B4GALNT1: variants seen among roughly 807,000 people sequenced by gnomAD.
B4GALNT1 encodes beta-1,4-N-acetyl-galactosaminyltransferase 1.
Under a neutral mutation model 55.2 loss-of-function variants are expected in B4GALNT1, and 43 were observed. The observed-to-expected ratio is 0.78, with a 90% CI of 0.61 to 1.00. The LOEUF (loss-of-function observed/expected upper bound fraction) is 1.00. Ranked by LOEUF, B4GALNT1 falls within the 50% of genes least tolerant of loss-of-function variation. B4GALNT1 has a pLI of 0.00. For synonymous variants in B4GALNT1, 305 were observed against 311.6 expected, an observed-to-expected ratio of 0.98 and a Z score of 0.22; for missense variants, 664 against 729.7, an observed-to-expected ratio of 0.91 and a Z score of 1.04.
chr12:57,629,939 C>T (rs768742788), intron 6 of B4GALNT1: 24 of 1,536,200 alleles, frequency 1.6e-5, no homozygotes, highest in Admixed American at 9.8e-5. Flanking sequence ...ACCCAAGGCT[C>T]GGGTTTCCCT....
At position 57,630,519 on chromosome 12, in the gene B4GALNT1, C is replaced by G; in HGVS notation, c.491-1G>C. On this transcript the variant is annotated splice_acceptor_variant, in intron 4 of 10. Transcript: ENST00000341156. LOFTEE classifies it high-confidence loss of function. The stretch of plus-strand genomic sequence containing the variant: ...CCAGAAGCTGCCTGAAGGCTCAGCC[C>G]TAGGAGAAAGGAGTGGGGGGATCAG... The G allele has an allele frequency of 1.2e-6, 2 of 1,606,162 alleles. No homozygotes were observed. The highest frequency in any genetic ancestry group is 4.5e-5 in the East Asian group (2 of 44,840).
In B4GALNT1 at chr12:57,624,008, C is replaced by T; in HGVS notation, c.*2736G>A. On this transcript the variant is annotated 3_prime_UTR_variant, in exon 11 of 11. Coordinates refer to ENST00000341156, the MANE Select transcript of B4GALNT1 (RefSeq NM_001478.5). Reference sequence around the variant, plus strand: ...CCCACCTCCTCTGCCTCAAGGCTGTCCTGGCTTGCATCAACATCTCCAGCA... The same window carrying T: ...CCCACCTCCTCTGCCTCAAGGCTGTTCTGGCTTGCATCAACATCTCCAGCA... The T allele has an allele frequency of 2.5e-6, 4 of 1,611,680 alleles. No individual in the cohort carries two copies. In the South Asian group the frequency reaches 3.3e-5, roughly 13 times the overall value.
In B4GALNT1 at chr12:57,625,323, G is replaced by A. The variant is rs1884730650; in HGVS notation, c.*1421C>T. The A allele has an allele frequency of 4.3e-6, 7 of 1,614,112 alleles. No homozygotes were observed. Among genetic ancestry groups the A allele is most frequent in the African/African-American group, 2.7e-5 (2 of 75,008 alleles). Reference sequence around the variant, plus strand: ...GGGGCCAGAGAAGTGGTGCAGGTGAGGGAGAGGGTAGGTTGAGGAGAAACC... The same window carrying A: ...GGGGCCAGAGAAGTGGTGCAGGTGAAGGAGAGGGTAGGTTGAGGAGAAACC... On this transcript the variant is annotated 3_prime_UTR_variant, in exon 11 of 11. Coordinates refer to ENST00000341156, the MANE Select transcript of B4GALNT1 (RefSeq NM_001478.5).
intron 10 of B4GALNT1, 57 bp downstream of exon 10, chr12:57,627,551 CGCGTGACCGT>C: frequency 6.6e-7 from 1 of 1,517,632 alleles, no homozygotes; most frequent in Non-Finnish European, 8.8e-7. Context: ...GGAGGAGAGG[CGCGTGACCGT>C]GCGCCAGCTC....
intron 10 of B4GALNT1, 150 bp downstream of exon 10, chr12:57,627,468 G>T: frequency 1.2e-6 from 1 of 844,866 alleles, no homozygotes; most frequent in Non-Finnish European, 1.6e-6. Context: ...CTCTCGCCCA[G>T]GTGCAGGTCT....
At chr12:57,630,952 G>A (rs1404030655) in intron 4 of B4GALNT1, 28 bp downstream of exon 4, 10 of 1,595,030 alleles carry the variant, frequency 6.3e-6, no homozygotes, top group Non-Finnish European at 7.7e-6. Context: ...CTGTGGCTGA[G>A]GTCATCCTCT....
Position 57,627,601 on chromosome 12 carries a change from G to GA in B4GALNT1, c.1384+16dup. On this transcript the variant is annotated intron_variant, in intron 10 of 10. Coordinates refer to ENST00000341156, the MANE Select transcript of B4GALNT1 (RefSeq NM_001478.5). ...TGGGGCTCCTGCCAGGGTCGACCGGGAGGGGGTGCCACTCACCCAGATGAG... is the reference window on the plus strand; with the variant it reads ...TGGGGCTCCTGCCAGGGTCGACCGGGAAGGGGGTGCCACTCACCCAGATGAG... The GA allele has an allele frequency of 6.4e-7, 1 of 1,568,792 alleles. No homozygotes were observed. Among genetic ancestry groups the GA allele is most frequent in the Non-Finnish European group, 8.7e-7 (1 of 1,151,720 alleles).
At position 57,623,887 on chromosome 12, in the gene B4GALNT1, G is replaced by T; in HGVS notation, c.*2857C>A. On this transcript the variant is annotated 3_prime_UTR_variant, in exon 11 of 11. Transcript: ENST00000341156. ...GGTCCTGTCGGTGCTGCTGTGGCTGGGGCCCTTCTTTTACTATCTGCCCAA... is the reference window on the plus strand; with the variant it reads ...GGTCCTGTCGGTGCTGCTGTGGCTGTGGCCCTTCTTTTACTATCTGCCCAA... 2 of 1,614,034 alleles carry T rather than the reference G, an allele frequency of 1.2e-6. No individual in the cohort carries two copies. Among genetic ancestry groups the T allele is most frequent in the Non-Finnish European group, 1.7e-6 (2 of 1,179,978 alleles).
chr12:57,630,374 A>C lies in B4GALNT1; in HGVS notation c.532-42T>G, dbSNP rs186851144. 4.4e-6 allele frequency: 7 copies of C among 1,600,704 alleles called. No homozygotes were observed. In the South Asian group the frequency reaches 7.7e-5, roughly 18 times the overall value. On this transcript the variant is annotated intron_variant, in intron 5 of 10. Transcript: ENST00000341156. ...GAGTGCAGGGTTAGGCCCCAGACCC[A>C]CTTCTTGCCTCCCTGATTCGCCCAT...
rs1884595720 is a variant in B4GALNT1 at position 57,623,529 on chromosome 12, A to C, written c.*3215T>G. 1 of 468,110 alleles carries C rather than the reference A, an allele frequency of 2.1e-6. No individual in the cohort carries two copies. The highest frequency in any genetic ancestry group is 2.0e-5 in the African/African-American group (1 of 50,648). 29.0% of individuals were successfully genotyped at this position (468,110 alleles called of 1,614,324 possible). Reference sequence around the variant, plus strand: ...TTTCCCTTACTTTGCTGGTGCCCTAAACACATATACCCTGCTTATAGGGTA... The same window carrying C: ...TTTCCCTTACTTTGCTGGTGCCCTACACACATATACCCTGCTTATAGGGTA... On this transcript the variant is annotated 3_prime_UTR_variant, in exon 11 of 11. Transcript: ENST00000341156.
At chr12:57,629,431 T>C (rs1885056545) in intron 6 of B4GALNT1, 3 of 345,900 alleles carry the variant, frequency 8.7e-6, no homozygotes, top group Non-Finnish European at 1.6e-5. Context: ...GATAGCCCTA[T>C]TAAGTAGATT....
rs370384752 is a variant in B4GALNT1, at chr12:57,624,132, C to T, written c.*2612G>A. 6.2e-7 allele frequency: 1 copy of T among 1,604,862 alleles called. No homozygotes were observed. The highest frequency in any genetic ancestry group is 8.5e-7 in the Non-Finnish European group (1 of 1,172,774). ...TGCCATTACCCCCAGATTGCCCCCTCTCATCTTGTTAGCATCCCCAGCCTC... is the reference window on the plus strand; with the variant it reads ...TGCCATTACCCCCAGATTGCCCCCTTTCATCTTGTTAGCATCCCCAGCCTC... On this transcript the variant is annotated 3_prime_UTR_variant, in exon 11 of 11. Coordinates refer to ENST00000341156, the MANE Select transcript of B4GALNT1 (RefSeq NM_001478.5).
intron 8 of B4GALNT1, 23 bp downstream of exon 8, chr12:57,628,690 C>T (rs760498144): frequency 1.4e-5 from 22 of 1,613,460 alleles, no homozygotes; most frequent in African/African-American, 5.3e-5. Flanking sequence ...TCTGGCCTGC[C>T]GTTCAGCCTG....
chr12:57,627,476 T>G, intron 10 of B4GALNT1, 142 bp downstream of exon 10: 1 of 971,438 alleles, frequency 1.0e-6, no homozygotes, highest in Non-Finnish European at 1.4e-6. Flanking sequence ...CAGGTGCAGG[T>G]CTTGGTAAAT....
Position 57,623,970 on chromosome 12 carries a change from T to C in B4GALNT1, c.*2774A>G, listed in dbSNP as rs990798628. 1.9e-5 allele frequency: 30 copies of C among 1,611,952 alleles called. No homozygotes were observed. The highest frequency in any genetic ancestry group is 2.1e-5 in the Non-Finnish European group (25 of 1,178,574). ...GGAGGGGTAGCTGTATTCCAGGACA[T>C]CGAGGTAGTCAGCCCACCTCCTCTG... On this transcript the variant is annotated 3_prime_UTR_variant, in exon 11 of 11. Coordinates refer to ENST00000341156, the MANE Select transcript of B4GALNT1 (RefSeq NM_001478.5).
At chr12:57,632,262 G>A (rs1594989485) in intron 1 of B4GALNT1, 129 bp from the exon 2 acceptor site, 3 of 922,788 alleles carry the variant, frequency 3.3e-6, no homozygotes, top group Non-Finnish European at 5.2e-6. Flanking sequence ...CACACATCGC[G>A]CTAGGGTTTG....
chr12:57,626,479 C>T lies in B4GALNT1; in HGVS notation c.*265G>A. On this transcript the variant is annotated 3_prime_UTR_variant, in exon 11 of 11. Transcript: ENST00000341156. ...ACTTGGAAAGTGATCCCCCCATTTC[C>T]TGCCCCATGAGAATGGGCAGGGGGA... 3.9e-6 allele frequency: 2 copies of T among 517,314 alleles called. No homozygotes were observed. Among genetic ancestry groups the T allele is most frequent in the South Asian group, 2.2e-5 (1 of 46,354 alleles). The allele number at this position is 517,314 out of a possible 1,614,324, so 32.0% of individuals were successfully genotyped here. A position where few individuals can be genotyped will look rare whatever the true frequency, so the allele number is the denominator to read the frequency against.
rs368986810 is a variant in B4GALNT1 at position 57,623,796 on chromosome 12, G to A, written c.*2948C>T. ...ACCAGCTCTCATGTGGGGGTGGGAG[G>A]CTCTCTTCCTTTTTTGCTCCTGTTC... On this transcript the variant is annotated 3_prime_UTR_variant, in exon 11 of 11. Transcript: ENST00000341156. 1.3e-5 allele frequency: 20 copies of A among 1,574,688 alleles called. 1 individual carries two copies. In the South Asian group the frequency reaches 1.7e-4, roughly 13 times the overall value.
At chr12:57,632,237 G>A in intron 1 of B4GALNT1, 104 bp from the exon 2 acceptor site, 1 of 1,152,572 alleles carries the variant, frequency 8.7e-7, no homozygotes, top group Non-Finnish European at 1.3e-6. Flanking sequence ...CGGCTCCCAA[G>A]AGCGCTCTCC....
Sources: gnomAD v4.1 joint callset for allele counts on GRCh38, gnomAD v4.1.1 for gene constraint, MANE v1.5 for transcripts, NCBI Gene and HGNC (gene_info 2026-07-23, HGNC 2026-07-21) for gene names.